The following RANBP2 variants were observed in gnomAD, a reference collection of about 807,000 sequenced individuals.
RANBP2 encodes E3 SUMO-protein ligase RanBP2.
In RANBP2, 57 loss-of-function variants were observed where a neutral mutation model predicts 303.6. The ratio of observed to expected loss-of-function variants is 0.19; its 90% confidence interval spans 0.15 to 0.23. The LOEUF (loss-of-function observed/expected upper bound fraction) is 0.23. Among genes scored for constraint, RANBP2 ranks in the 10% least tolerant of loss-of-function variants. The pLI, the probability that RANBP2 is intolerant of heterozygous loss-of-function variation, is 1.00. For missense variants in RANBP2, 3,138 were observed against 3,780.8 expected, an observed-to-expected ratio of 0.83 and a Z score of 4.46; for synonymous variants, 1,167 against 1,301.5, an observed-to-expected ratio of 0.90 and a Z score of 2.23.
chr2:109,353,331 C>T, the RANBP2 span, among the ~76,000 whole-genome samples: 4 of 152,240 alleles, frequency 2.6e-5, no homozygotes, highest in Non-Finnish European at 4.4e-5. Context: ...ATTTATAGCT[C>T]GACCCTCGTC....
chr2:109,171,034 C>T, the RANBP2 span, among the ~76,000 whole-genome samples: 5 of 152,154 alleles, frequency 3.3e-5, no homozygotes, highest in Non-Finnish European at 4.4e-5. Context: ...GTGCTGGGGG[C>T]TGGGGGAGTC....
the RANBP2 span, among the ~76,000 whole-genome samples, chr2:108,819,746 T>C: frequency 6.6e-6 from 1 of 152,188 alleles, no homozygotes; most frequent in Non-Finnish European, 1.5e-5. Context: ...TTTTCTGTTT[T>C]TTCAAATGCC....
chr2:109,348,671 C>T, the RANBP2 span, among the ~76,000 whole-genome samples: 1 of 152,156 alleles, frequency 6.6e-6, no homozygotes, highest in Non-Finnish European at 1.5e-5. Context: ...ACCTCGTTTT[C>T]TCCATGTGTA....
chr2:109,605,449 G>A, the RANBP2 span: 26 of 152,006 alleles, frequency 1.7e-4, no homozygotes, highest in African/African-American at 5.3e-4. Flanking sequence ...TACTCTGAGC[G>A]ACAAGAGTGA....
chr2:109,207,823 A>T, the RANBP2 span, among the ~76,000 whole-genome samples: 420 of 152,102 alleles, frequency 2.8e-3, 9 homozygotes, highest in East Asian at 0.043. Context: ...TTTCTTTTTT[A>T]AAAAAAATTA....
At chr2:109,236,333 C>A in the RANBP2 span, among the ~76,000 whole-genome samples, 8 of 152,278 alleles carry the variant, frequency 5.3e-5, no homozygotes, top group African/African-American at 1.9e-4. Flanking sequence ...CAATGCCCAG[C>A]AGTGCCTCCA....
the RANBP2 span, among the ~76,000 whole-genome samples, chr2:108,969,395 G>A: frequency 6.6e-6 from 1 of 152,308 alleles, no homozygotes; most frequent in Admixed American, 6.5e-5. Context: ...TATCTCCGGT[G>A]AGAGGAGAAC....
the RANBP2 span, among the ~76,000 whole-genome samples, chr2:109,625,023 G>T: frequency 6.8e-6 from 1 of 146,492 alleles, no homozygotes; most frequent in Non-Finnish European, 1.5e-5. Flanking sequence ...GGAGCTTTTA[G>T]TGAGTGGAGA....
chr2:109,000,678 A>G, the RANBP2 span, among the ~76,000 whole-genome samples: 1 of 152,204 alleles, frequency 6.6e-6, no homozygotes, highest in African/African-American at 2.4e-5. Context: ...TTGGAGAGAT[A>G]ATAACAACAT....
the RANBP2 span, among the ~76,000 whole-genome samples, chr2:109,500,088 G>T: frequency 6.6e-6 from 1 of 152,300 alleles, no homozygotes; most frequent in East Asian, 1.9e-4. Context: ...CTGTCCTCAG[G>T]TGTGGCTGGA....
chr2:109,600,939 T>A, the RANBP2 span, among the ~76,000 whole-genome samples: 2 of 152,222 alleles, frequency 1.3e-5, no homozygotes, highest in African/African-American at 4.8e-5. Context: ...GATAAAGAGA[T>A]ACAAAGCTCA....
At chr2:109,723,307 C>T in the RANBP2 span, among the ~76,000 whole-genome samples, 2 of 152,074 alleles carry the variant, frequency 1.3e-5, no homozygotes, top group Non-Finnish European at 2.9e-5. Context: ...GTGTGCCACA[C>T]GCCCGGCTAA....
chr2:109,510,306 T>G, the RANBP2 span, among the ~76,000 whole-genome samples: 8 of 151,936 alleles, frequency 5.3e-5, no homozygotes, highest in Non-Finnish European at 7.4e-5. Flanking sequence ...TGTCGGGAGC[T>G]CCCTCTGTTG....
At chr2:108,872,489 G>C in the RANBP2 span, among the ~76,000 whole-genome samples, 1 of 152,144 alleles carries the variant, frequency 6.6e-6, no homozygotes, top group Non-Finnish European at 1.5e-5. Flanking sequence ...TCCATTCCTA[G>C]CATATACCAC....
the RANBP2 span, among the ~76,000 whole-genome samples, chr2:109,720,005 C>T: frequency 6.6e-6 from 1 of 152,122 alleles, no homozygotes; most frequent in Non-Finnish European, 1.5e-5. Context: ...ACCGAGGACT[C>T]GTGATCGGCT....
the RANBP2 span, among the ~76,000 whole-genome samples, chr2:109,111,995 G>T: frequency 2.2e-3 from 340 of 152,144 alleles, no homozygotes; most frequent in African/African-American, 6.9e-3. Flanking sequence ...GTATTCCATG[G>T]TGTATATGTG....
chr2:109,131,927 A>G, the RANBP2 span, among the ~76,000 whole-genome samples: 1 of 152,218 alleles, frequency 6.6e-6, no homozygotes, highest in Non-Finnish European at 1.5e-5. Flanking sequence ...CACTAGCACT[A>G]TACTACCATG....
chr2:108,773,779 T>C (rs936189482), intron 23 of RANBP2, among the ~76,000 whole-genome samples: 1 of 152,092 alleles, frequency 6.6e-6, no homozygotes, highest in Non-Finnish European at 1.5e-5. Context: ...CCCAAGCAGC[T>C]GGGACTACAG....
chr2:108,834,991 A>G, the RANBP2 span, among the ~76,000 whole-genome samples: 2 of 152,232 alleles, frequency 1.3e-5, no homozygotes, highest in African/African-American at 4.8e-5. Flanking sequence ...ATTGAAGTCA[A>G]ATGGATCTTG....
Sources: allele counts gnomAD v4.1 joint callset (sites outside exome capture counted in the v4.1 genomes callset), GRCh38; gene constraint gnomAD v4.1.1; transcripts MANE v1.5; gene names NCBI Gene and HGNC (gene_info 2026-07-23, HGNC 2026-07-21).